The following IQCH variants were observed in gnomAD, a reference collection of about 807,000 sequenced individuals.
The protein encoded by IQCH is IQ motif containing H.
IQCH carries 98 observed loss-of-function variants against 117.0 expected under a neutral mutation model. The ratio of observed to expected loss-of-function variants is 0.84; its 90% CI spans 0.71 to 0.99. The LOEUF is 0.99. Ranked by LOEUF, IQCH falls within the 50% of genes least tolerant of loss-of-function variation. The probability of loss-of-function intolerance (pLI) is 0.00; values close to 1 mark genes in which losing one functional copy is unlikely to be tolerated. For missense variants in IQCH, 1,102 were observed against 1,243.8 expected, an observed-to-expected ratio of 0.89 and a Z score of 1.72; for synonymous variants, 412 against 448.2, an observed-to-expected ratio of 0.92 and a Z score of 1.02.
Position 67,405,617 on chromosome 15 carries a change from A to G in IQCH, c.2097+5312A>G, listed in dbSNP as rs1971866670. On this transcript the variant is annotated intron_variant, in intron 14 of 20. Transcript: ENST00000335894. The surrounding 1 kb of genome is among the most constrained non-coding windows in gnomAD (Gnocchi z 4.8). ...TTATTCTCAAGAAGTGACTTGCCCA[A>G]ATTTATAGCTAATAAATGATTGTGC... The G allele has an allele frequency of 6.6e-6, 1 of 152,196 alleles. No homozygotes were observed. Among genetic ancestry groups the G allele is most frequent in the Non-Finnish European group, 1.5e-5 (1 of 68,032 alleles). The allele number at this position is 152,196 out of a possible 1,614,324, so 9.4% of individuals were successfully genotyped here. A position where few individuals can be genotyped will look rare whatever the true frequency, so the allele number is the denominator to read the frequency against.
intron 2 of IQCH, among the ~76,000 whole-genome samples, chr15:67,262,004 G>A (rs1295640311): frequency 6.6e-6 from 1 of 152,004 alleles, no homozygotes; most frequent in Non-Finnish European, 1.5e-5. Flanking sequence ...TGGGAGGATT[G>A]CTTGAGCCCA....
At chr15:67,361,062 C>T (rs1224386987) in intron 8 of IQCH, among the ~76,000 whole-genome samples, 1 of 152,204 alleles carries the variant, frequency 6.6e-6, no homozygotes, top group Non-Finnish European at 1.5e-5. Flanking sequence ...ACCCACTGAA[C>T]CGTCATAGCA....
intron 16 of IQCH, among the ~76,000 whole-genome samples, chr15:67,423,679 G>C (rs914077665): frequency 6.6e-6 from 1 of 151,618 alleles, no homozygotes; most frequent in Admixed American, 6.6e-5. Context: ...CAGGCGGGTG[G>C]ATTGCTTGAG....
intron 1 of IQCH, among the ~76,000 whole-genome samples, chr15:67,260,258 T>A (rs1221499655): frequency 3.3e-5 from 5 of 152,226 alleles, no homozygotes; most frequent in Non-Finnish European, 7.3e-5. Context: ...CTAATATGAA[T>A]GCAGAGAATC....
intron 4 of IQCH, among the ~76,000 whole-genome samples, chr15:67,305,048 G>A (rs1245223798): frequency 6.6e-6 from 1 of 152,022 alleles, no homozygotes; most frequent in East Asian, 1.9e-4. Flanking sequence ...CTATGTTGTG[G>A]AGTTTTCTTA....
rs113837566 is a variant in IQCH, at chr15:67,378,392, G to T, written c.1372+4959G>T. ...AATCTGGACTTTCAATAAAATCTTTGCAGTCTTCAACATATATTTTGGCAA... is the reference window on the plus strand; with the variant it reads ...AATCTGGACTTTCAATAAAATCTTTTCAGTCTTCAACATATATTTTGGCAA... On this transcript the variant is annotated intron_variant, in intron 10 of 20. Coordinates refer to ENST00000335894, the MANE Select transcript of IQCH (RefSeq NM_001031715.3). Among the ~76,000 whole-genome samples the T allele has an allele frequency of 5.3e-4, 80 of 150,392 alleles. 1 individual carries two copies. The highest frequency in any genetic ancestry group is 1.9e-3 in the African/African-American group (76 of 40,772).
chr15:67,340,596 A>G, intron 5 of IQCH, among the ~76,000 whole-genome samples: 1 of 152,150 alleles, frequency 6.6e-6, no homozygotes. Flanking sequence ...TATGTAAATT[A>G]CTATATTGCC....
intron 15 of IQCH, among the ~76,000 whole-genome samples, chr15:67,420,501 T>C (rs1047136950): frequency 2.6e-5 from 4 of 152,296 alleles, no homozygotes; most frequent in African/African-American, 9.6e-5. Flanking sequence ...AGTTTTTCTC[T>C]ACAAAGAGGA....
rs1485001238 is a variant in IQCH, at chr15:67,334,221, G to A, written c.388-2754G>A. 2.0e-5 allele frequency among the ~76,000 whole-genome samples: 3 copies of A among 152,032 alleles called. 1 individual carries two copies. Among genetic ancestry groups the A allele is most frequent in the Admixed American group, 2.0e-4 (3 of 15,250 alleles). ...ATACAAACTACAAAGTGTGGTTGCA[G>A]AATAAAATATAATAAAAAACATGAC... On this transcript the variant is annotated intron_variant, in intron 4 of 20. Transcript: ENST00000335894.
intron 4 of IQCH, among the ~76,000 whole-genome samples, chr15:67,334,849 C>T (rs185881066): frequency 2.6e-5 from 4 of 152,260 alleles, no homozygotes; most frequent in East Asian, 1.9e-4. Context: ...TAATGCTCAG[C>T]GTGTTAAAGT....
rs2083717628 is a variant in IQCH at position 67,493,437 on chromosome 15, G to T, written c.2862-821G>T. ...CTATCTCCGAAATCTTAAAGTGGAT[G>T]TTCAGGTTTATAAAGACGGCTGTTC... On this transcript the variant is annotated intron_variant, in intron 19 of 20. Coordinates refer to ENST00000335894, the MANE Select transcript of IQCH (RefSeq NM_001031715.3). The surrounding 1 kb of genome is among the most constrained non-coding windows in gnomAD (Gnocchi z 5.1). Among the ~76,000 whole-genome samples, 1 of 152,150 alleles carries T rather than the reference G, an allele frequency of 6.6e-6. No homozygotes were observed. Among genetic ancestry groups the T allele is most frequent in the Non-Finnish European group, 1.5e-5 (1 of 68,034 alleles).
chr15:67,279,357 A>G (rs1034142318), intron 3 of IQCH, 38 bp from the exon 4 acceptor site: 23 of 1,109,478 alleles, frequency 2.1e-5, no homozygotes, highest in Non-Finnish European at 3.1e-5. Context: ...CTTTTAAAAT[A>G]GCAAATTTGA....
rs563300648 is a variant in IQCH at position 67,413,807 on chromosome 15, C to T, written c.2098-3124C>T. Among the ~76,000 whole-genome samples the T allele has an allele frequency of 3.9e-5, 6 of 152,238 alleles. No homozygotes were observed. The highest frequency in any genetic ancestry group is 4.1e-4 in the South Asian group (2 of 4,826). ...GCTGTGTACCTCTCATGGTAGGACA[C>T]GATTACTCCTCCAGATTCCAGCAGC... On this transcript the variant is annotated intron_variant, in intron 14 of 20. Coordinates refer to ENST00000335894, the MANE Select transcript of IQCH (RefSeq NM_001031715.3). The surrounding 1 kb of genome is among the most constrained non-coding windows in gnomAD (Gnocchi z 5.0).
chr15:67,338,376 A>G (rs1302248120), intron 5 of IQCH, among the ~76,000 whole-genome samples: 1 of 152,220 alleles, frequency 6.6e-6, no homozygotes, highest in Non-Finnish European at 1.5e-5. Flanking sequence ...ATGAGAACAC[A>G]TGGCCTACTG....
At chr15:67,304,210 A>G in intron 4 of IQCH, 1 of 542,784 alleles carries the variant, frequency 1.8e-6, no homozygotes. Context: ...ATCCAAATAT[A>G]TTTTTTTCCA....
chr15:67,277,579 G>A (rs920770846), intron 3 of IQCH, among the ~76,000 whole-genome samples: 6 of 148,416 alleles, frequency 4.0e-5, no homozygotes, highest in African/African-American at 1.5e-4. Flanking sequence ...TGTCACCCAG[G>A]CTGGAGTGCA....
intron 3 of IQCH, among the ~76,000 whole-genome samples, chr15:67,274,842 C>T (rs1286243580): frequency 6.6e-6 from 1 of 151,908 alleles, no homozygotes; most frequent in Non-Finnish European, 1.5e-5. Flanking sequence ...CTTTTTTTCC[C>T]CCACTAGGTT....
intron 4 of IQCH, among the ~76,000 whole-genome samples, chr15:67,291,030 C>T (rs1966732906): frequency 6.6e-6 from 1 of 152,114 alleles, no homozygotes; most frequent in Non-Finnish European, 1.5e-5. Flanking sequence ...TTCATAGAAT[C>T]CACTCTGGAA....
At chr15:67,316,500 T>C (rs1425050981) in intron 4 of IQCH, among the ~76,000 whole-genome samples, 4 of 152,216 alleles carry the variant, frequency 2.6e-5, no homozygotes, top group Non-Finnish European at 5.9e-5. Context: ...TTGGGTTTAG[T>C]ATTCCATTTA....
Sources: allele counts gnomAD v4.1 joint callset (sites outside exome capture counted in the v4.1 genomes callset), GRCh38; gene constraint gnomAD v4.1.1; non-coding constraint Gnocchi (gnomAD v3.1); transcripts MANE v1.5; gene names NCBI Gene and HGNC (gene_info 2026-07-23, HGNC 2026-07-21).